Variants in CHODL observed in about 807,000 individuals in gnomAD.
CHODL encodes the protein transmembrane protein MT75.
CHODL carries 29 observed loss-of-function variants against 34.5 expected under a neutral mutation model. That is an observed-to-expected ratio of 0.84 (90% confidence interval 0.63 to 1.15). The LOEUF (loss-of-function observed/expected upper bound fraction) is 1.15. Ranked by LOEUF, CHODL falls within the 50% of genes most tolerant of loss-of-function variation. The pLI, the probability that CHODL is intolerant of heterozygous loss-of-function variation, is 0.00. For missense variants in CHODL, 332 were observed against 332.5 expected (o/e 1.00, Z 0.01); for synonymous variants, 125 against 116.1 (o/e 1.08, Z -0.49).
chr21:17,980,987 G>A (rs139198780), intron 1 of CHODL, among the ~76,000 whole-genome samples: 18 of 152,244 alleles, frequency 1.2e-4, no homozygotes, highest in African/African-American at 4.1e-4. Context: ...TCCATGAAAT[G>A]CAGACAATAA....
chr21:17,975,604 C>G (rs1022415437), intron 1 of CHODL, among the ~76,000 whole-genome samples: 1 of 152,134 alleles, frequency 6.6e-6, no homozygotes, highest in Non-Finnish European at 1.5e-5. Context: ...CAAACCCACT[C>G]TTTTTCTTGA....
chr21:18,200,464 G>A (rs1331506759), intron 2 of CHODL, among the ~76,000 whole-genome samples: 3 of 151,982 alleles, frequency 2.0e-5, no homozygotes, highest in East Asian at 3.9e-4. Context: ...TTTTTATCCC[G>A]TTAGAAATAT....
intron 1 of CHODL, among the ~76,000 whole-genome samples, chr21:17,936,568 G>A (rs1363034433): frequency 6.6e-6 from 1 of 151,988 alleles, no homozygotes; most frequent in Non-Finnish European, 1.5e-5. Flanking sequence ...ATGGAAAGCT[G>A]TTGTTTCATT....
chr21:17,947,881 G>A (rs1399112652), intron 1 of CHODL, among the ~76,000 whole-genome samples: 3 of 152,074 alleles, frequency 2.0e-5, no homozygotes, highest in Non-Finnish European at 4.4e-5. Context: ...ATTTATAATA[G>A]CAAAGTCCTG....
intron 2 of CHODL, among the ~76,000 whole-genome samples, chr21:18,094,009 GA>G (rs1393397388): frequency 6.6e-6 from 1 of 151,808 alleles, no homozygotes; most frequent in East Asian, 1.9e-4. Context: ...CACATAGACT[GA>G]AAATAAAGAC....
In CHODL at chr21:18,257,128, G is replaced by C; in HGVS notation, c.547+1G>C. On this transcript the variant is annotated splice_donor_variant, in intron 3 of 5. Coordinates refer to ENST00000299295, the MANE Select transcript of CHODL (RefSeq NM_024944.3). LOFTEE classifies it high-confidence loss of function. ...AATTATATTTGCAAGTATGAACCAGGTAAGCAGTAGCAAAAGAAGGTATAG... is the reference window on the plus strand; with the variant it reads ...AATTATATTTGCAAGTATGAACCAGCTAAGCAGTAGCAAAAGAAGGTATAG... The C allele has an allele frequency of 6.2e-7, 1 of 1,605,298 alleles. No homozygotes were observed. Among genetic ancestry groups the C allele is most frequent in the Non-Finnish European group, 8.5e-7 (1 of 1,176,112 alleles).
chr21:18,244,025 C>T (rs557133661), upstream of CHODL, among the ~76,000 whole-genome samples: 2 of 152,194 alleles, frequency 1.3e-5, no homozygotes, highest in African/African-American at 4.8e-5. Flanking sequence ...GAACTTCTCT[C>T]CAGTATTCCT....
At chr21:17,949,409 T>TG (rs1211781144) in intron 1 of CHODL, among the ~76,000 whole-genome samples, 2 of 152,030 alleles carry the variant, frequency 1.3e-5, no homozygotes, top group Non-Finnish European at 1.5e-5. Flanking sequence ...TTAAAGACTG[T>TG]GAAAAAAAAG....
intron 1 of CHODL, among the ~76,000 whole-genome samples, chr21:17,988,198 T>G (rs922775719): frequency 6.6e-6 from 1 of 152,050 alleles, no homozygotes; most frequent in Non-Finnish European, 1.5e-5. Flanking sequence ...AAATGAAACA[T>G]TTGGTGTTTG....
intron 1 of CHODL, among the ~76,000 whole-genome samples, chr21:17,967,964 G>A (rs2824583): frequency 0.34 from 51,735 of 152,080 alleles, 9,458 homozygotes; most frequent in East Asian, 0.66. Flanking sequence ...CAGAACCCAT[G>A]AGTGGAACAA....
At chr21:18,170,462 A>G (rs564493675) in intron 2 of CHODL, among the ~76,000 whole-genome samples, 24 of 152,122 alleles carry the variant, frequency 1.6e-4, no homozygotes, top group African/African-American at 5.5e-4. Flanking sequence ...TATTTTCTAT[A>G]AGTTTTATGT....
Position 18,256,747 on chromosome 21 carries a change from T to C in CHODL, c.318T>C (p.Asn106=), listed in dbSNP as rs567256236. The part of the protein sequence containing the change: ...DGDFWIGLWR[N]GDGQTSGACP... ...ATTTCTGGATAGGGCTTTGGAGGAA[T>C]GGAGATGGGCAAACATCTGGTGCCT... Residue 106 remains asparagine (N), a synonymous_variant, in exon 2 of 6, where the codon AAT becomes AAC. Transcript: ENST00000299295. 4.3e-6 allele frequency: 7 copies of C among 1,614,118 alleles called. No individual in the cohort carries two copies. In the South Asian group the frequency reaches 6.6e-5, roughly 15 times the overall value.
At position 17,970,892 on chromosome 21, in the gene CHODL, C is replaced by G. The variant is rs192738216; in HGVS notation, c.-145+53492C>G. Among the ~76,000 whole-genome samples, 93 of 152,072 alleles carry G rather than the reference C, an allele frequency of 6.1e-4. 2 individuals are homozygous for G. Among genetic ancestry groups the G allele is most frequent in the Non-Finnish European group, 7.5e-4 (51 of 67,994 alleles). ...AATGCTATCCCTCCCCTAGCCCCCA[C>G]CCCCCAACAGGCCCTGGTGTGTGAT... On this transcript the variant is annotated intron_variant, in intron 1 of 6. Transcript: ENST00000400127.
intron 2 of CHODL, among the ~76,000 whole-genome samples, chr21:18,217,980 C>A (rs2073846973): frequency 6.6e-6 from 1 of 152,214 alleles, no homozygotes; most frequent in Admixed American, 6.5e-5. Context: ...GGGCCTTGGG[C>A]AGCTTCACAC....
intron 2 of CHODL, among the ~76,000 whole-genome samples, chr21:18,040,582 C>T (rs547684543): frequency 6.6e-5 from 10 of 151,950 alleles, no homozygotes; most frequent in African/African-American, 2.2e-4. Context: ...AGGGCTGCAT[C>T]AGCAGTTCAG....
At chr21:18,228,340 C>T (rs928136446) in intron 2 of CHODL, among the ~76,000 whole-genome samples, 6 of 152,032 alleles carry the variant, frequency 3.9e-5, no homozygotes, top group Non-Finnish European at 5.9e-5. Flanking sequence ...TCATGTAAAT[C>T]GCTTTCTCTG....
chr21:18,136,121 A>AAAAAG (rs1568904672), intron 2 of CHODL, among the ~76,000 whole-genome samples: 4 of 138,210 alleles, frequency 2.9e-5, no homozygotes, highest in African/African-American at 1.1e-4. Context: ...AAAAAAAAGA[A>AAAAAG]AAAGAAAAAA....
intron 1 of CHODL, among the ~76,000 whole-genome samples, chr21:17,978,733 GAA>G (rs34399713): frequency 0.029 from 4,058 of 139,636 alleles, 126 homozygotes; most frequent in East Asian, 0.13. Context: ...GAAAAAAAAA[GAA>G]AAAAAAAAAA....
intron 1 of CHODL, among the ~76,000 whole-genome samples, chr21:18,247,619 G>A (rs1015857884): frequency 1.3e-5 from 2 of 152,156 alleles, no homozygotes; most frequent in African/African-American, 2.4e-5. Flanking sequence ...GCATCTAGTA[G>A]TAATAAGAAA....
Sources: gnomAD v4.1 joint callset for allele counts (sites outside exome capture counted in the v4.1 genomes callset) on GRCh38, gnomAD v4.1.1 for gene constraint, MANE v1.5 for transcripts, NCBI Gene and HGNC (gene_info 2026-07-23, HGNC 2026-07-21) for gene names.